The following CCDC33 variants were observed in gnomAD, a reference collection of about 807,000 sequenced individuals.
CCDC33 encodes coiled-coil domain-containing protein 33.
Under a neutral mutation model 91.9 loss-of-function variants are expected in CCDC33, and 94 were observed. The ratio of observed to expected loss-of-function variants is 1.02; its 90% confidence interval spans 0.87 to 1.21. The LOEUF is 1.21. Among genes scored for constraint, CCDC33 ranks in the 50% most tolerant of loss-of-function variants. The pLI is 0.00. For synonymous variants in CCDC33, 396 were observed against 374.5 expected (o/e 1.06, Z -0.66); for missense variants, 940 against 935.5 (o/e 1.00, Z -0.06).
Position 74,268,495 on chromosome 15 carries a change from G to GT in CCDC33, c.546+38dup. On this transcript the variant is annotated intron_variant, in intron 5 of 18. Transcript: ENST00000398814. ...GGGGCCCTCTGGGGTGGTGGTGGGG[G>GT]TGGGAAAGGGCCAAGCTTTGAGCAG... 4.2e-6 allele frequency: 6 copies of GT among 1,412,828 alleles called. 1 individual carries two copies. The Admixed American group carries it at 5.2e-5, about 12-fold the overall frequency. 87.5% of individuals were successfully genotyped at this position (1,412,828 alleles called of 1,614,324 possible).
chr15:74,318,086 C>CG lies in CCDC33; in HGVS notation c.1291-12099dup, dbSNP rs774318940. 9.3e-3 allele frequency among the ~76,000 whole-genome samples: 651 copies of CG among 69,974 alleles called. 4 individuals carry two copies. The highest frequency in any genetic ancestry group is 0.02 in the East Asian group (57 of 2,884). 45.9% of individuals were successfully genotyped at this position (69,974 alleles called of 152,430 possible). ...AGAGTGAGCCCAGCTTGTGCTGCTGCGGGGTGGGGAGGACTCCTGAGGGGA... is the reference window on the plus strand; with the variant it reads ...AGAGTGAGCCCAGCTTGTGCTGCTGCGGGGGTGGGGAGGACTCCTGAGGGGA... On this transcript the variant is annotated intron_variant, in intron 11 of 18. Coordinates refer to ENST00000398814, the MANE Select transcript of CCDC33 (RefSeq NM_025055.5).
intron 2 of CCDC33, among the ~76,000 whole-genome samples, chr15:74,219,723 A>G (rs776360311): frequency 1.3e-5 from 2 of 152,176 alleles, no homozygotes; most frequent in Non-Finnish European, 2.9e-5. Context: ...CCTTTTATCC[A>G]TTCATTCATC....
intron 11 of CCDC33, among the ~76,000 whole-genome samples, chr15:74,306,102 C>A (rs1197747550): frequency 1.3e-5 from 2 of 152,162 alleles, no homozygotes; most frequent in Non-Finnish European, 2.9e-5. Context: ...ACAACTCACC[C>A]AGGCCTCTCC....
At chr15:74,210,508 TAAA>T (rs1482765662) in intron 2 of CCDC33, among the ~76,000 whole-genome samples, 1 of 152,218 alleles carries the variant, frequency 6.6e-6, no homozygotes, top group Non-Finnish European at 1.5e-5. Context: ...TGTGTACACA[TAAA>T]AAGTGAATCT....
intron 11 of CCDC33, among the ~76,000 whole-genome samples, chr15:74,322,202 G>A (rs1338990019): frequency 6.6e-6 from 1 of 152,192 alleles, no homozygotes; most frequent in Non-Finnish European, 1.5e-5. Flanking sequence ...CATTTAAAAC[G>A]ATAATTTTTT....
At chr15:74,275,150 C>T (rs560987841) in intron 7 of CCDC33, among the ~76,000 whole-genome samples, 1 of 152,334 alleles carries the variant, frequency 6.6e-6, no homozygotes, top group South Asian at 2.1e-4. Flanking sequence ...CCCTCTCTGA[C>T]ATCTTGGGGG....
At chr15:74,280,955 T>G (rs930419356) in intron 9 of CCDC33, among the ~76,000 whole-genome samples, 154 bp downstream of exon 9, 2 of 152,026 alleles carry the variant, frequency 1.3e-5, no homozygotes, top group African/African-American at 4.8e-5. Flanking sequence ...AGTCTAGAAG[T>G]GAGGAGCTCC....
chr15:74,304,107 C>T (rs986837498), intron 11 of CCDC33: 1 of 152,270 alleles, frequency 6.6e-6, no homozygotes, highest in Non-Finnish European at 1.5e-5. Context: ...TCCACCACTC[C>T]GAAGCTGTGT....
chr15:74,282,289 G>A (rs2059384098), intron 10 of CCDC33, among the ~76,000 whole-genome samples: 1 of 152,190 alleles, frequency 6.6e-6, no homozygotes, highest in African/African-American at 2.4e-5. Flanking sequence ...TTATGGGGAG[G>A]AATCTGCTTC....
chr15:74,295,693 A>T (rs1331444341), intron 10 of CCDC33, 61 bp from the exon 11 acceptor site: 1 of 1,433,008 alleles, frequency 7.0e-7, no homozygotes, highest in East Asian at 2.3e-5. Flanking sequence ...TGGTGTGCTT[A>T]TGGTAGATGG....
At chr15:74,253,087 C>A (rs1454305019) in intron 2 of CCDC33, among the ~76,000 whole-genome samples, 1 of 152,210 alleles carries the variant, frequency 6.6e-6, no homozygotes, top group African/African-American at 2.4e-5. Context: ...CCCCCACAGG[C>A]TTCTTCTGGA....
At chr15:74,234,052 G>T (rs551074875), upstream of CCDC33, among the ~76,000 whole-genome samples, 1 of 152,290 alleles carries the variant, frequency 6.6e-6, no homozygotes, top group East Asian at 1.9e-4. Context: ...CCCAGACATG[G>T]CATGAGGAAG....
chr15:74,276,685 C>T (rs1439058977), intron 7 of CCDC33, among the ~76,000 whole-genome samples: 1 of 152,240 alleles, frequency 6.6e-6, no homozygotes, highest in Non-Finnish European at 1.5e-5. Flanking sequence ...GCCCTCCAGC[C>T]TCCTGGCTTA....
rs373141725 is a variant in CCDC33 at position 74,330,960 on chromosome 15, C to A, written c.1546-21C>A. 34 of 1,567,020 alleles carry A rather than the reference C, an allele frequency of 2.2e-5. No homozygotes were observed. In the African/African-American group the frequency reaches 4.1e-4, roughly 19 times the overall value. ...TCCCAGGCACCCATTCTCTCCCCTT[C>A]TCTCCTCCCCCATCTCACAGAAGAA... On this transcript the variant is annotated intron_variant, in intron 13 of 18. Coordinates refer to ENST00000398814, the MANE Select transcript of CCDC33 (RefSeq NM_025055.5).
At chr15:74,335,450 C>G (rs180889485) in intron 18 of CCDC33, 326 of 520,438 alleles carry the variant, frequency 6.3e-4, no homozygotes, top group African/African-American at 6.0e-3. Flanking sequence ...CCCTACCCCC[C>G]TGAATCCATA....
At chr15:74,272,033 G>C (rs1444976817) in intron 6 of CCDC33, among the ~76,000 whole-genome samples, 3 of 152,236 alleles carry the variant, frequency 2.0e-5, no homozygotes, top group African/African-American at 7.2e-5. Context: ...GTCCTCTCCT[G>C]AGAGCAAGCT....
At chr15:74,256,457 G>A (rs576843136) in intron 2 of CCDC33, among the ~76,000 whole-genome samples, 11 of 152,246 alleles carry the variant, frequency 7.2e-5, no homozygotes, top group South Asian at 4.1e-4. Context: ...CAGAGTGACC[G>A]AACCATTGAG....
chr15:74,209,431 G>T (rs539628058), exon 2 of CCDC33: 1 of 1,535,586 alleles, frequency 6.5e-7, no homozygotes, highest in Admixed American at 2.0e-5. Context: ...CCACCAGCTC[G>T]GCTCTTAATA....
chr15:74,246,803 C>T (rs575810278), intron 2 of CCDC33, among the ~76,000 whole-genome samples: 174 of 152,286 alleles, frequency 1.1e-3, no homozygotes, highest in African/African-American at 3.9e-3. Context: ...CATATGATCC[C>T]GCAATCTCAC....
Sources: allele counts gnomAD v4.1 joint callset (sites outside exome capture counted in the v4.1 genomes callset), GRCh38; gene constraint gnomAD v4.1.1; transcripts MANE v1.5; gene names NCBI Gene and HGNC (gene_info 2026-07-23, HGNC 2026-07-21).